Variants in LAMA2 observed in about 807,000 individuals in gnomAD.
LAMA2 encodes laminin subunit alpha 2, also known as laminin subunit alpha-2.
In LAMA2, 269 loss-of-function variants were observed where a neutral mutation model predicts 364.8. That is an observed-to-expected ratio of 0.74 (90% CI 0.67 to 0.82). The LOEUF (loss-of-function observed/expected upper bound fraction) is 0.82. Among genes scored for constraint, LAMA2 ranks in the 40% least tolerant of loss-of-function variants. LAMA2 has a pLI of 0.00. For synonymous variants in LAMA2, 1,379 were observed against 1,370.6 expected (o/e 1.01, Z -0.14); for missense variants, 3,807 against 3,873.2 (o/e 0.98, Z 0.45).
At chr6:129,259,100 A>G (rs1211813310) in intron 14 of LAMA2, among the ~76,000 whole-genome samples, 1 of 152,122 alleles carries the variant, frequency 6.6e-6, no homozygotes, top group African/African-American at 2.4e-5. Flanking sequence ...TCCTGATCAT[A>G]TATGAGCTCA....
At chr6:129,392,612 G>C (rs1779381590) in intron 36 of LAMA2, among the ~76,000 whole-genome samples, 1 of 152,202 alleles carries the variant, frequency 6.6e-6, no homozygotes, top group African/African-American at 2.4e-5. Context: ...TAGTCTACTA[G>C]CATGACAATG....
chr6:129,213,295 T>G (rs1213143461), intron 12 of LAMA2, among the ~76,000 whole-genome samples: 1 of 152,224 alleles, frequency 6.6e-6, no homozygotes, highest in Non-Finnish European at 1.5e-5. Context: ...AACATCCTGC[T>G]TGCTACCATG....
intron 1 of LAMA2, among the ~76,000 whole-genome samples, chr6:128,930,555 T>A (rs1275551703): frequency 6.6e-6 from 1 of 152,060 alleles, no homozygotes; most frequent in Non-Finnish European, 1.5e-5. Context: ...CCCCCACCCT[T>A]CACACATGGG....
chr6:129,214,756 C>T (rs1310694493), intron 12 of LAMA2, among the ~76,000 whole-genome samples: 1 of 152,086 alleles, frequency 6.6e-6, no homozygotes, highest in African/African-American at 2.4e-5. Context: ...GATGTGTTGG[C>T]TGTTCTTGGT....
At chr6:129,439,173 A>G (rs953375656) in intron 42 of LAMA2, among the ~76,000 whole-genome samples, 3 of 152,016 alleles carry the variant, frequency 2.0e-5, no homozygotes, top group African/African-American at 7.2e-5. Flanking sequence ...TTTAATCCCT[A>G]GATCATTTAT....
chr6:129,285,972 C>T (rs775546216), intron 18 of LAMA2, among the ~76,000 whole-genome samples: 2 of 151,938 alleles, frequency 1.3e-5, no homozygotes, highest in Non-Finnish European at 2.9e-5. Context: ...ATTATAGTAC[C>T]TAAGTACCTA....
At chr6:129,023,126 T>C (rs931642372) in intron 1 of LAMA2, among the ~76,000 whole-genome samples, 6 of 152,192 alleles carry the variant, frequency 3.9e-5, no homozygotes, top group Non-Finnish European at 8.8e-5. Context: ...ATTCTTCAGC[T>C]GGTGGCAATC....
intron 18 of LAMA2, among the ~76,000 whole-genome samples, chr6:129,283,326 G>C (rs1788865623): frequency 6.6e-6 from 1 of 152,116 alleles, no homozygotes; most frequent in South Asian, 2.1e-4. Flanking sequence ...CTAAAAGTGA[G>C]TCAAATGCTG....
chr6:129,412,069 C>A (rs1473899223), intron 40 of LAMA2, among the ~76,000 whole-genome samples: 1 of 151,890 alleles, frequency 6.6e-6, no homozygotes, highest in Admixed American at 6.6e-5. Flanking sequence ...GAAAAAAAAT[C>A]TGGAAAAATA....
chr6:129,193,702 A>G (rs777549377), intron 12 of LAMA2, among the ~76,000 whole-genome samples: 3 of 152,188 alleles, frequency 2.0e-5, no homozygotes, highest in Non-Finnish European at 4.4e-5. Flanking sequence ...TCCCTTCCTA[A>G]ATTAATGTTG....
chr6:129,180,894 T>C (rs2115020282), intron 10 of LAMA2, among the ~76,000 whole-genome samples: 1 of 152,146 alleles, frequency 6.6e-6, no homozygotes, highest in East Asian at 1.9e-4. Flanking sequence ...TTTGGAGTTT[T>C]AATGCCCTCA....
chr6:129,373,649 C>T lies in LAMA2; in HGVS notation c.4959+3659C>T, dbSNP rs189086328. On this transcript the variant is annotated intron_variant, in intron 34 of 64. Coordinates refer to ENST00000421865, the MANE Select transcript of LAMA2 (RefSeq NM_000426.4). ...TTCTTAGGGTTCCTCTAGACTGTGA[C>T]GACACTGTCAAAAATACTGTAACAG... Among the ~76,000 whole-genome samples the T allele has an allele frequency of 1.8e-4, 28 of 152,194 alleles. 1 individual carries two copies. The highest frequency in any genetic ancestry group is 1.0e-3 in the South Asian group (5 of 4,828).
chr6:129,047,047 C>T lies in LAMA2; in HGVS notation c.113-2871C>T, dbSNP rs762553196. 6.6e-5 allele frequency among the ~76,000 whole-genome samples: 10 copies of T among 152,230 alleles called. No individual in the cohort carries two copies. In the East Asian group the frequency reaches 1.5e-3, roughly 23 times the overall value. On this transcript the variant is annotated intron_variant, in intron 1 of 64. Coordinates refer to ENST00000421865, the MANE Select transcript of LAMA2 (RefSeq NM_000426.4). ...GATATACAGACAAACTTTATTTAAT[C>T]GCATATCATTTATTAACCTAGAAAA...
At chr6:129,271,593 A>C (rs982434442) in intron 17 of LAMA2, among the ~76,000 whole-genome samples, 1 of 150,868 alleles carries the variant, frequency 6.6e-6, no homozygotes, top group African/African-American at 2.4e-5. Context: ...CCTCAGCTGG[A>C]CTACAGGCTG....
At chr6:129,276,978 G>A (rs538138108) in intron 17 of LAMA2, among the ~76,000 whole-genome samples, 2 of 152,030 alleles carry the variant, frequency 1.3e-5, no homozygotes, top group Admixed American at 6.6e-5. Context: ...ATATATACAT[G>A]CTTATAAGTA....
At chr6:129,256,997 G>A (rs1786740029) in intron 14 of LAMA2, among the ~76,000 whole-genome samples, 2 of 151,202 alleles carry the variant, frequency 1.3e-5, no homozygotes, top group African/African-American at 2.4e-5. Flanking sequence ...TATTCATAGT[G>A]GCTTGTATAA....
At chr6:129,320,438 T>C in intron 27 of LAMA2, 100 bp from the exon 28 acceptor site, 6 of 799,036 alleles carry the variant, frequency 7.5e-6, no homozygotes, top group South Asian at 6.7e-5. Context: ...TACTTGAGGT[T>C]GACAAAAACG....
At chr6:128,949,191 C>T (rs765713091) in intron 1 of LAMA2, among the ~76,000 whole-genome samples, 7 of 152,184 alleles carry the variant, frequency 4.6e-5, no homozygotes, top group Non-Finnish European at 7.3e-5. Flanking sequence ...CTCAAGGACA[C>T]GCTCATCCTC....
chr6:129,391,984 A>G (rs947473714), intron 36 of LAMA2, among the ~76,000 whole-genome samples: 1 of 152,200 alleles, frequency 6.6e-6, no homozygotes, highest in Non-Finnish European at 1.5e-5. Flanking sequence ...TTTGTTAATC[A>G]TCTGCATTAG....
Sources: allele counts gnomAD v4.1 joint callset (sites outside exome capture counted in the v4.1 genomes callset), GRCh38; gene constraint gnomAD v4.1.1; transcripts MANE v1.5; gene names NCBI Gene and HGNC (gene_info 2026-07-23, HGNC 2026-07-21).